Variants in ANKS1B observed in about 807,000 individuals in gnomAD.
ANKS1B encodes the protein ankyrin repeat and sterile alpha motif domain containing 1B.
A neutral mutation model predicts 148.3 loss-of-function variants in ANKS1B; 36 were observed. The ratio of observed to expected loss-of-function variants is 0.24; its 90% CI spans 0.19 to 0.32. The LOEUF is 0.32. Among genes scored for constraint, ANKS1B ranks in the 10% least tolerant of loss-of-function variants. The pLI is 1.00. For missense variants in ANKS1B, 1,157 were observed against 1,542.6 expected (o/e 0.75, Z 4.19); for synonymous variants, 542 against 560.8 (o/e 0.97, Z 0.47).
intron 14 of ANKS1B, among the ~76,000 whole-genome samples, chr12:99,156,711 C>A (rs1352120307): frequency 6.6e-6 from 1 of 152,168 alleles, no homozygotes; most frequent in Admixed American, 6.5e-5. Flanking sequence ...ACGAATAAAT[C>A]TCTTTCTTCT....
chr12:99,973,385 G>T (rs1603554530), intron 1 of ANKS1B, among the ~76,000 whole-genome samples: 2 of 152,200 alleles, frequency 1.3e-5, no homozygotes. Flanking sequence ...TTCAAGACCA[G>T]TCTGGGCAAC....
At chr12:98,981,809 G>A (rs2099911334) in intron 17 of ANKS1B, among the ~76,000 whole-genome samples, 1 of 152,202 alleles carries the variant, frequency 6.6e-6, no homozygotes, top group Non-Finnish European at 1.5e-5. Context: ...AGCAGTTAAT[G>A]TCAAATGTAA....
At chr12:98,997,340 C>T (rs141441710) in intron 17 of ANKS1B, among the ~76,000 whole-genome samples, 94 of 151,078 alleles carry the variant, frequency 6.2e-4, no homozygotes, top group African/African-American at 2.2e-3. Context: ...TTAAATAAAA[C>T]AAGAATTATA....
At chr12:99,562,645 A>T (rs2097348786) in intron 9 of ANKS1B, among the ~76,000 whole-genome samples, 1 of 152,214 alleles carries the variant, frequency 6.6e-6, no homozygotes, top group Non-Finnish European at 1.5e-5. Flanking sequence ...CCTTCTTCAC[A>T]TGGTGGCAGG....
chr12:99,829,313 G>A (rs1371023040), intron 1 of ANKS1B, among the ~76,000 whole-genome samples: 1 of 151,920 alleles, frequency 6.6e-6, no homozygotes, highest in Non-Finnish European at 1.5e-5. Context: ...TCAGGAGTTT[G>A]AGACAAGCCT....
At chr12:99,808,919 A>G (rs1224102166) in intron 3 of ANKS1B, among the ~76,000 whole-genome samples, 1 of 152,110 alleles carries the variant, frequency 6.6e-6, no homozygotes, top group Admixed American at 6.6e-5. Context: ...TCAAGGGAAA[A>G]TATATCAATC....
intron 9 of ANKS1B, among the ~76,000 whole-genome samples, chr12:99,593,248 G>GA (rs1476062612): frequency 1.3e-5 from 2 of 151,696 alleles, no homozygotes; most frequent in African/African-American, 4.8e-5. Flanking sequence ...GGGTTGGGGG[G>GA]GTCTTATAAT....
Position 98,842,812 on chromosome 12 carries a change from T to G in ANKS1B, c.2779-10676A>C, listed in dbSNP as rs554596429. ...GCAGGGTAGCTTTGTTCTAGGAGCC[T>G]AGTACTATTTAACTATAGGCTAATA... is the stretch of plus-strand genomic sequence containing the variant. On this transcript the variant is annotated intron_variant, in intron 17 of 26. Coordinates refer to ENST00000683438, the MANE Select transcript of ANKS1B (RefSeq NM_001352186.2). Among the ~76,000 whole-genome samples, 21 of 152,328 alleles carry G rather than the reference T, an allele frequency of 1.4e-4. 1 individual carries two copies. The South Asian group carries it at 3.9e-3, about 29-fold the overall frequency.
intron 17 of ANKS1B, among the ~76,000 whole-genome samples, chr12:98,976,825 T>TA (rs1377260190): frequency 6.6e-6 from 1 of 152,248 alleles, no homozygotes; most frequent in East Asian, 1.9e-4. Context: ...TAAAAGTTCT[T>TA]AATTGAAAAA....
At chr12:99,796,802 T>C (rs1011081264) in intron 4 of ANKS1B, among the ~76,000 whole-genome samples, 1 of 151,932 alleles carries the variant, frequency 6.6e-6, no homozygotes, top group Non-Finnish European at 1.5e-5. Context: ...TATGTTAATA[T>C]TAATTACATA....
chr12:99,306,370 C>T (rs539762218), intron 12 of ANKS1B, among the ~76,000 whole-genome samples: 45 of 151,984 alleles, frequency 3.0e-4, no homozygotes, highest in Non-Finnish European at 4.6e-4. Flanking sequence ...AAAGACTTTA[C>T]TAGGCAGGTT....
intron 9 of ANKS1B, among the ~76,000 whole-genome samples, chr12:99,601,272 T>C (rs1567448597): frequency 6.6e-6 from 1 of 152,112 alleles, no homozygotes; most frequent in Non-Finnish European, 1.5e-5. Context: ...AACAAATTTT[T>C]AACCTGTGTA....
chr12:99,610,179 C>T (rs887231788), intron 9 of ANKS1B, among the ~76,000 whole-genome samples: 1 of 152,072 alleles, frequency 6.6e-6, no homozygotes, highest in African/African-American at 2.4e-5. Flanking sequence ...GAAATGAAGG[C>T]CCACAGACCC....
chr12:99,599,918 G>A (rs900875473), intron 9 of ANKS1B, among the ~76,000 whole-genome samples: 2 of 150,836 alleles, frequency 1.3e-5, no homozygotes, highest in African/African-American at 2.4e-5. Flanking sequence ...AGGAATCACT[G>A]GCCATGAGTA....
At position 99,625,777 on chromosome 12, in the gene ANKS1B, G is replaced by A. The variant is rs184058085; in HGVS notation, c.1272+29290C>T. On this transcript the variant is annotated intron_variant, in intron 9 of 26. Transcript: ENST00000683438. ...AAAGAAAACGTTCACAGGAGAGGATGAGAATATAGAGGTTTTGCTTATCAC... is the reference window on the plus strand; with the variant it reads ...AAAGAAAACGTTCACAGGAGAGGATAAGAATATAGAGGTTTTGCTTATCAC... Among the ~76,000 whole-genome samples, 306 of 152,214 alleles carry A rather than the reference G, an allele frequency of 2.0e-3. 2 individuals are homozygous for A. The highest frequency in any genetic ancestry group is 7.1e-3 in the African/African-American group (293 of 41,550).
At chr12:99,348,722 T>C (rs1256096989) in intron 12 of ANKS1B, among the ~76,000 whole-genome samples, 1 of 151,908 alleles carries the variant, frequency 6.6e-6, no homozygotes. Context: ...AGGAGAAATT[T>C]AGACATTCAC....
intron 17 of ANKS1B, among the ~76,000 whole-genome samples, chr12:98,913,111 A>G (rs2099788939): frequency 6.6e-6 from 1 of 152,184 alleles, no homozygotes; most frequent in Admixed American, 6.5e-5. Context: ...AAATGTCTGA[A>G]TTAGTCTAAC....
rs781068712 is a variant in ANKS1B at position 99,773,112 on chromosome 12, G to A, written c.962-24C>T. The A allele has an allele frequency of 1.0e-5, 16 of 1,580,516 alleles. No individual in the cohort carries two copies. The South Asian group carries it at 1.8e-4, about 17-fold the overall frequency. ...ACCTATGAGAATAATTTTTTCAGAA[G>A]TTTCAAGAAAGGCTATTGTTAAAAC... On this transcript the variant is annotated intron_variant, in intron 7 of 26. Coordinates refer to ENST00000683438, the MANE Select transcript of ANKS1B (RefSeq NM_001352186.2).
intron 16 of ANKS1B, among the ~76,000 whole-genome samples, chr12:99,081,456 G>A (rs2049743925): frequency 6.6e-6 from 1 of 152,176 alleles, no homozygotes; most frequent in African/African-American, 2.4e-5. Context: ...AAGTTAAAGT[G>A]AATGCAGATG....
Sources: allele counts gnomAD v4.1 joint callset (sites outside exome capture counted in the v4.1 genomes callset), GRCh38; gene constraint gnomAD v4.1.1; transcripts MANE v1.5; gene names NCBI Gene and HGNC (gene_info 2026-07-23, HGNC 2026-07-21).